Variants in INTS13 observed in about 807,000 individuals in gnomAD.
INTS13 encodes integrator complex subunit 13.
INTS13 carries 35 observed loss-of-function variants against 90.2 expected under a neutral mutation model. The observed-to-expected ratio is 0.39, with a 90% CI of 0.30 to 0.51. The LOEUF (loss-of-function observed/expected upper bound fraction) is 0.51, where lower values mean the gene tolerates loss of function less well. Ranked by LOEUF, INTS13 falls within the 20% of genes least tolerant of loss-of-function variation. The probability of loss-of-function intolerance (pLI) is 0.80; values close to 1 mark genes in which losing one functional copy is unlikely to be tolerated. For synonymous variants in INTS13, 309 were observed against 277.1 expected (o/e 1.11, Z -1.14); for missense variants, 601 against 851.2 (o/e 0.71, Z 3.66).
intron 5 of INTS13, 62 bp from the exon 6 acceptor site, chr12:26,925,913 G>T: frequency 1.7e-6 from 2 of 1,192,206 alleles, no homozygotes; most frequent in South Asian, 1.3e-5. Context: ...ATTCAAGCAG[G>T]TAAACTACTA....
intron 8 of INTS13, among the ~76,000 whole-genome samples, chr12:26,918,502 G>T (rs1294596059): frequency 6.6e-6 from 1 of 152,208 alleles, no homozygotes; most frequent in Non-Finnish European, 1.5e-5. Flanking sequence ...TGCACTGAAA[G>T]TCAATAGCAA....
intron 8 of INTS13, among the ~76,000 whole-genome samples, chr12:26,918,135 A>T (rs1441186872): frequency 6.6e-5 from 10 of 151,892 alleles, no homozygotes; most frequent in African/African-American, 2.4e-4. Context: ...AAAATAAATA[A>T]AATAATAATA....
intron 8 of INTS13, among the ~76,000 whole-genome samples, chr12:26,922,415 T>C (rs774968390): frequency 2.6e-5 from 4 of 152,220 alleles, no homozygotes; most frequent in Non-Finnish European, 4.4e-5. Flanking sequence ...ATCTCCTGCT[T>C]TGCCTAATTT....
Position 26,914,468 on chromosome 12 carries a change from T to C in INTS13, c.1359A>G (p.Glu453=). ...TCATAGGCCAGTAACGGGTATGTTT[T>C]TCTAACTGATCTTTTGCTCGTTCCA... ...VPLERAKDQL[E]KHTRYWPMII... Residue 453 remains glutamate (E), a synonymous_variant, in exon 12 of 17, where the codon GAA becomes GAG. Transcript: ENST00000261191. 6.2e-7 allele frequency: 1 copy of C among 1,614,000 alleles called. No homozygotes were observed. The highest frequency in any genetic ancestry group is 2.2e-5 in the East Asian group (1 of 44,826).
At chr12:26,908,456 C>A (rs1239925165) in intron 15 of INTS13, among the ~76,000 whole-genome samples, 1 of 151,166 alleles carries the variant, frequency 6.6e-6, no homozygotes, top group Non-Finnish European at 1.5e-5. Flanking sequence ...GAAATAAAAT[C>A]ATCCTAATGC....
chr12:26,905,630 A>G (rs7397665), intron 16 of INTS13, 94 bp from the exon 17 acceptor site: 158,002 of 1,228,060 alleles, frequency 0.13, 11,527 homozygotes, highest in Admixed American at 0.27. Context: ...AAAATAATAT[A>G]TTCACAGAAC....
At position 26,924,387 on chromosome 12, in the gene INTS13, C is replaced by T; in HGVS notation, c.772G>A (p.Ala258Thr). Reference sequence around the variant, plus strand: ...GGAATATTTGTAATAGTAGTTGAAGCCAAGTCAAAATGTTGCTGTACTAAA... The same window carrying T: ...GGAATATTTGTAATAGTAGTTGAAGTCAAGTCAAAATGTTGCTGTACTAAA... ...NILVQQHFDL[A>T]STTITNIPMK... is the part of the protein sequence containing the mutation. The change falls in exon 7 of 17, where the codon GCT becomes ACT. Residue 258 changes from alanine to threonine, a missense_variant. Ala to Thr is a moderately conservative substitution (Grantham distance 58, BLOSUM62 0). Coordinates refer to ENST00000261191, the MANE Select transcript of INTS13 (RefSeq NM_018164.3). 1 of 1,612,614 alleles carries T rather than the reference C, an allele frequency of 6.2e-7. No homozygotes were observed. Among genetic ancestry groups the T allele is most frequent in the East Asian group, 2.2e-5 (1 of 44,794 alleles).
intron 12 of INTS13, 70 bp downstream of exon 12, chr12:26,914,338 T>C: frequency 2.1e-6 from 3 of 1,410,792 alleles, no homozygotes; most frequent in Non-Finnish European, 2.9e-6. Context: ...AAATTACAAA[T>C]TGTCTAATTG....
At chr12:26,934,498 A>G (rs1938360145) in intron 3 of INTS13, 58 bp downstream of exon 3, 2 of 1,245,870 alleles carry the variant, frequency 1.6e-6, no homozygotes, top group East Asian at 2.3e-5. Context: ...ATTTTTTTAA[A>G]AAGTATTACC....
rs1029350294 is a variant in INTS13 at position 26,936,836 on chromosome 12, A to G, written c.-11-22T>C. On this transcript the variant is annotated intron_variant, in intron 1 of 16. Coordinates refer to ENST00000261191, the MANE Select transcript of INTS13 (RefSeq NM_018164.3). ...TAACCTGTAAGGGGAAAAACATATT[A>G]GCCAAATATTTGTACATAACATCTT... 3.4e-6 allele frequency: 5 copies of G among 1,476,254 alleles called. No individual in the cohort carries two copies. In the African/African-American group the frequency reaches 4.2e-5, roughly 12 times the overall value. 91.4% of individuals were successfully genotyped at this position (1,476,254 alleles called of 1,614,324 possible). A position where few individuals can be genotyped will look rare whatever the true frequency, so the allele number is the denominator to read the frequency against.
chr12:26,914,805 G>C (rs1297777686), intron 11 of INTS13, among the ~76,000 whole-genome samples: 1 of 152,072 alleles, frequency 6.6e-6, no homozygotes, highest in Admixed American at 6.6e-5. Flanking sequence ...ATGCATTCAT[G>C]GTATGTTTTC....
At chr12:26,914,193 G>A in intron 12 of INTS13, 65 bp from the exon 13 acceptor site, 4 of 1,409,266 alleles carry the variant, frequency 2.8e-6, no homozygotes, top group Non-Finnish European at 3.8e-6. Context: ...AAACATCTAG[G>A]CAGAACTTGA....
chr12:26,912,600 T>C (rs1951812535), intron 14 of INTS13, among the ~76,000 whole-genome samples: 2 of 152,180 alleles, frequency 1.3e-5, no homozygotes, highest in African/African-American at 2.4e-5. Flanking sequence ...ATAATATAAA[T>C]CACAAACTAA....
In INTS13 at chr12:26,908,110, T is replaced by C. The variant is rs1249142436; in HGVS notation, c.1946-1673A>G. 2.0e-5 allele frequency among the ~76,000 whole-genome samples: 3 copies of C among 152,206 alleles called. No homozygotes were observed. The East Asian group carries it at 5.8e-4, about 29-fold the overall frequency. On this transcript the variant is annotated intron_variant, in intron 15 of 16. Coordinates refer to ENST00000261191, the MANE Select transcript of INTS13 (RefSeq NM_018164.3). ...GTGGCATGACATTTTCTTTCATTTA[T>C]AAGACATTCCGAAAAATTACAGGGA... is the stretch of plus-strand genomic sequence containing the variant.
At chr12:26,934,743 C>A (rs1938373561) in intron 2 of INTS13, 113 bp from the exon 3 acceptor site, 1 of 833,406 alleles carries the variant, frequency 1.2e-6, no homozygotes, top group African/African-American at 1.7e-5. Context: ...ATTCATTCTT[C>A]TTTTTATAGT....
intron 15 of INTS13, among the ~76,000 whole-genome samples, chr12:26,908,399 C>T (rs1951674493): frequency 6.6e-6 from 1 of 152,170 alleles, no homozygotes; most frequent in Admixed American, 6.5e-5. Flanking sequence ...AAAACTAATG[C>T]ATGTTCATGA....
intron 15 of INTS13, among the ~76,000 whole-genome samples, chr12:26,909,472 C>CTTT (rs756908915): frequency 1.7e-4 from 22 of 127,042 alleles, no homozygotes; most frequent in East Asian, 2.3e-4. Context: ...AGATAATACT[C>CTTT]TTTTTTTTTT....
chr12:26,911,136 G>A (rs1357970416), intron 15 of INTS13, 42 bp downstream of exon 15: 10 of 1,580,740 alleles, frequency 6.3e-6, no homozygotes, highest in Non-Finnish European at 8.6e-6. Context: ...CACCCGGCCT[G>A]GAAAACTTTT....
intron 10 of INTS13, among the ~76,000 whole-genome samples, chr12:26,916,958 C>T (rs1951951979): frequency 6.6e-6 from 1 of 151,946 alleles, no homozygotes; most frequent in Non-Finnish European, 1.5e-5. Flanking sequence ...TTCAATGGGC[C>T]AAGATAAATG....
Sources: gnomAD v4.1 joint callset for allele counts (sites outside exome capture counted in the v4.1 genomes callset) on GRCh38, gnomAD v4.1.1 for gene constraint, MANE v1.5 for transcripts, NCBI Gene and HGNC (gene_info 2026-07-23, HGNC 2026-07-21) for gene names.